Variants in CDON observed in about 807,000 individuals in gnomAD.
CDON encodes cell adhesion molecule-related/down-regulated by oncogenes.
CDON carries 73 observed loss-of-function variants against 120.9 expected under a neutral mutation model. The observed-to-expected ratio is 0.60, with a 90% CI of 0.50 to 0.73. CDON has a LOEUF of 0.73. Among genes scored for constraint, CDON ranks in the 30% least tolerant of loss-of-function variants. CDON has a pLI of 0.00. For synonymous variants in CDON, 566 were observed against 573.5 expected, an observed-to-expected ratio of 0.99 and a Z score of 0.19; for missense variants, 1,470 against 1,587.3, an observed-to-expected ratio of 0.93 and a Z score of 1.26.
intron 8 of CDON, among the ~76,000 whole-genome samples, chr11:126,009,616 C>A (rs1295471289): frequency 2.0e-5 from 3 of 152,156 alleles, no homozygotes; most frequent in Non-Finnish European, 4.4e-5. Context: ...GGGTCAGAGA[C>A]CTCAGTTACC....
Position 126,005,655 on chromosome 11 carries a change from T to C in CDON, c.1851+104A>G, listed in dbSNP as rs574553079. On this transcript the variant is annotated intron_variant, in intron 9 of 19. Coordinates refer to ENST00000531738, the MANE Select transcript of CDON (RefSeq NM_001378964.1). ...ACAAACTCATCAGTCTGGAAGACTC[T>C]TGTTCTGTTTCCTGCCATTCTACAA... 9.8e-5 allele frequency: 106 copies of C among 1,076,550 alleles called. No homozygotes were observed. In the African/African-American group the frequency reaches 1.5e-3, roughly 15 times the overall value. The allele number at this position is 1,076,550 out of a possible 1,614,324, so 66.7% of individuals were successfully genotyped here. A position where few individuals can be genotyped will look rare whatever the true frequency, so the allele number is the denominator to read the frequency against.
intron 18 of CDON, among the ~76,000 whole-genome samples, chr11:125,963,543 C>T (rs545129723): frequency 3.2e-4 from 49 of 152,294 alleles, no homozygotes; most frequent in Middle Eastern, 6.8e-3. Context: ...CAGTTACACT[C>T]GTTCAAGTTA....
At chr11:126,002,704 A>G (rs7131139) in intron 10 of CDON, among the ~76,000 whole-genome samples, 14,976 of 152,152 alleles carry the variant, frequency 0.098, 803 homozygotes, top group Admixed American at 0.15. Context: ...TTTGCCTACA[A>G]TCCTGCCCAC....
intron 12 of CDON, among the ~76,000 whole-genome samples, chr11:125,996,878 T>G (rs79558152): frequency 6.6e-6 from 1 of 151,454 alleles, no homozygotes; most frequent in Non-Finnish European, 1.5e-5. Context: ...ATAAGACTAC[T>G]AAAAATATGC....
chr11:125,981,992 TTTTTTTTTG>T (rs1946324988), intron 16 of CDON, among the ~76,000 whole-genome samples: 2 of 127,612 alleles, frequency 1.6e-5, no homozygotes, highest in Admixed American at 8.2e-5. Context: ...TTTTTTTTTT[TTTTTTTTTG>T]AGATGGAGTT....
At chr11:126,040,816 A>AC (rs1948239994) in intron 1 of CDON, among the ~76,000 whole-genome samples, 1 of 35,626 alleles carries the variant, frequency 2.8e-5, no homozygotes, top group African/African-American at 1.2e-4. Context: ...CTCCGTCTCA[A>AC]AAAAAAAAAA....
At chr11:125,966,675 T>C (rs1381631485) in intron 18 of CDON, among the ~76,000 whole-genome samples, 1 of 151,876 alleles carries the variant, frequency 6.6e-6, no homozygotes, top group Non-Finnish European at 1.5e-5. Context: ...ATGCCAATAA[T>C]TAAATGGGTA....
rs187951461 is a variant in CDON, at chr11:126,060,993, T to C, written c.-62+1586A>G. ...CAGAAGAGGAGGCTGATGAGAACCA[T>C]GGCAATCAATCAAAGCATCCCAAGT... On this transcript the variant is annotated intron_variant, in intron 1 of 19. Coordinates refer to ENST00000531738, the MANE Select transcript of CDON (RefSeq NM_001378964.1). Among the ~76,000 whole-genome samples, 20 of 152,314 alleles carry C rather than the reference T, an allele frequency of 1.3e-4. No individual in the cohort carries two copies. In the East Asian group the frequency reaches 2.7e-3, roughly 21 times the overall value.
intron 13 of CDON, among the ~76,000 whole-genome samples, 161 bp from the exon 14 acceptor site, chr11:125,994,550 A>T (rs964132190): frequency 6.6e-6 from 1 of 152,234 alleles, no homozygotes; most frequent in African/African-American, 2.4e-5. Context: ...AAAAGCATTT[A>T]GCTTATTGCG....
At chr11:125,985,120 C>T (rs1447373209) in intron 15 of CDON, among the ~76,000 whole-genome samples, 1 of 152,256 alleles carries the variant, frequency 6.6e-6, no homozygotes, top group Non-Finnish European at 1.5e-5. Context: ...ATGTTTACAC[C>T]TCACCTCCAC....
chr11:125,972,206 A>G (rs1009513488), intron 18 of CDON, among the ~76,000 whole-genome samples: 3 of 152,160 alleles, frequency 2.0e-5, no homozygotes, highest in Admixed American at 2.0e-4. Flanking sequence ...CGGGCAGATC[A>G]CATGAGGCCA....
chr11:126,010,399 G>T lies in CDON; in HGVS notation c.1494C>A (p.Tyr498Ter). ...CATGTTCATTTGCAGCTTCGCAGAT[G>T]TATTTCCCCGCATGTTCCTGAGTCA... ...QAVTQEHAGK[Y>*]ICEAANEHGT... is the part of the protein sequence containing the mutation. The change falls in exon 8 of 20, where the codon TAC (tyrosine) becomes TAA (stop). Residue 498 changes from tyrosine to a stop codon, truncating the protein, a stop_gained. Coordinates refer to ENST00000531738, the MANE Select transcript of CDON (RefSeq NM_001378964.1). LOFTEE classifies it high-confidence loss of function. 1 of 1,614,090 alleles carries T rather than the reference G, an allele frequency of 6.2e-7. No individual in the cohort carries two copies. Among genetic ancestry groups the T allele is most frequent in the East Asian group, 2.2e-5 (1 of 44,854 alleles).
At chr11:126,003,617 G>A (rs997303742) in intron 10 of CDON, among the ~76,000 whole-genome samples, 1 of 152,092 alleles carries the variant, frequency 6.6e-6, no homozygotes, top group African/African-American at 2.4e-5. Context: ...TCAGGAGATC[G>A]AGACCATCCT....
At chr11:126,036,095 A>C (rs563593881) in intron 1 of CDON, among the ~76,000 whole-genome samples, 3 of 152,228 alleles carry the variant, frequency 2.0e-5, no homozygotes, top group Admixed American at 6.5e-5. Context: ...CTAAAAAAAC[A>C]CAGCCGCAGA....
chr11:125,969,165 A>T (rs1945887973), intron 18 of CDON, among the ~76,000 whole-genome samples: 1 of 152,102 alleles, frequency 6.6e-6, no homozygotes, highest in South Asian at 2.1e-4. Flanking sequence ...TGCCCAGCTA[A>T]TTTTGTATTT....
intron 1 of CDON, among the ~76,000 whole-genome samples, chr11:126,044,558 T>TA (rs1948353742): frequency 6.6e-6 from 1 of 152,158 alleles, no homozygotes; most frequent in African/African-American, 2.4e-5. Flanking sequence ...TATTCAGCCA[T>TA]AAAAAGAATG....
chr11:126,018,894 C>T (rs939746142), intron 4 of CDON, among the ~76,000 whole-genome samples: 6 of 151,776 alleles, frequency 4.0e-5, no homozygotes, highest in African/African-American at 1.5e-4. Flanking sequence ...ATGAGATTAG[C>T]GGTAAAGAAG....
intron 1 of CDON, among the ~76,000 whole-genome samples, chr11:126,029,440 G>C (rs1947890415): frequency 6.6e-6 from 1 of 152,068 alleles, no homozygotes; most frequent in Non-Finnish European, 1.5e-5. Flanking sequence ...AAATAAATTT[G>C]TATGCAAAAA....
intron 18 of CDON, among the ~76,000 whole-genome samples, chr11:125,976,098 A>G (rs1946142633): frequency 6.6e-6 from 1 of 152,250 alleles, no homozygotes; most frequent in South Asian, 2.1e-4. Context: ...TTTGAGAGTA[A>G]ACCACGTATC....
Sources: allele counts gnomAD v4.1 joint callset (sites outside exome capture counted in the v4.1 genomes callset), GRCh38; gene constraint gnomAD v4.1.1; transcripts MANE v1.5; gene names NCBI Gene and HGNC (gene_info 2026-07-23, HGNC 2026-07-21).